Variants in PCDH15 observed in about 807,000 individuals in gnomAD.
The protein encoded by PCDH15 is protocadherin-15.
A neutral mutation model predicts 178.5 loss-of-function variants in PCDH15; 129 were observed. The observed-to-expected ratio is 0.72, with a 90% CI of 0.63 to 0.84. The LOEUF (loss-of-function observed/expected upper bound fraction) is 0.84. Among genes scored for constraint, PCDH15 ranks in the 40% least tolerant of loss-of-function variants. The pLI, the probability that PCDH15 is intolerant of heterozygous loss-of-function variation, is 0.00. For synonymous variants in PCDH15, 800 were observed against 732.0 expected (o/e 1.09, Z -1.50); for missense variants, 2,230 against 2,099.9 (o/e 1.06, Z -1.21).
At chr10:54,304,776 A>T (rs1017846416) in intron 8 of PCDH15, among the ~76,000 whole-genome samples, 10 of 152,076 alleles carry the variant, frequency 6.6e-5, no homozygotes, top group Non-Finnish European at 1.5e-4. Flanking sequence ...TATGTATAAG[A>T]TTTCTTCTAA....
At chr10:55,187,595 A>C (rs1839832235) in intron 1 of PCDH15, among the ~76,000 whole-genome samples, 1 of 152,006 alleles carries the variant, frequency 6.6e-6, no homozygotes, top group Non-Finnish European at 1.5e-5. Context: ...CGGGTCACAT[A>C]AGGGTTTTGA....
chr10:54,595,594 G>C (rs1339447601), intron 2 of PCDH15, among the ~76,000 whole-genome samples: 1 of 152,110 alleles, frequency 6.6e-6, no homozygotes, highest in East Asian at 1.9e-4. Flanking sequence ...TTCCTAATGA[G>C]GCAGAGGTAG....
chr10:55,258,372 A>C (rs184457596), intron 1 of PCDH15, among the ~76,000 whole-genome samples: 16 of 152,280 alleles, frequency 1.1e-4, no homozygotes, highest in African/African-American at 3.6e-4. Context: ...AAGGAGGTGC[A>C]AGACACCAGA....
intron 2 of PCDH15, among the ~76,000 whole-genome samples, chr10:54,535,309 T>TA (rs201611348): frequency 1.1e-4 from 16 of 151,930 alleles, no homozygotes; most frequent in South Asian, 2.1e-4. Context: ...TCTGTACTTT[T>TA]AAAAAAAACA....
intron 26 of PCDH15, among the ~76,000 whole-genome samples, chr10:53,884,411 A>T (rs1189800218): frequency 6.6e-6 from 1 of 152,156 alleles, no homozygotes; most frequent in African/African-American, 2.4e-5. Flanking sequence ...TAAACCATGG[A>T]AGATTAAATT....
intron 2 of PCDH15, among the ~76,000 whole-genome samples, chr10:54,997,455 A>T (rs1391862971): frequency 1.3e-5 from 2 of 152,238 alleles, no homozygotes; most frequent in Non-Finnish European, 2.9e-5. Context: ...AAATTAAAAT[A>T]AAAGTTTCTT....
chr10:55,191,205 GA>G (rs999378254), intron 1 of PCDH15, among the ~76,000 whole-genome samples: 3 of 149,086 alleles, frequency 2.0e-5, no homozygotes, highest in Admixed American at 6.7e-5. Context: ...TATAGCTTAA[GA>G]TTTTTTTTTA....
intron 21 of PCDH15, among the ~76,000 whole-genome samples, chr10:53,988,112 G>A (rs146236299): frequency 8.5e-5 from 13 of 152,158 alleles, no homozygotes; most frequent in African/African-American, 2.4e-4. Flanking sequence ...TCATCCCCGC[G>A]TCAGATCAAA....
At chr10:55,266,345 C>T (rs1171097008) in intron 1 of PCDH15, among the ~76,000 whole-genome samples, 2 of 152,102 alleles carry the variant, frequency 1.3e-5, no homozygotes, top group African/African-American at 4.8e-5. Flanking sequence ...AAAACAACAC[C>T]CCCTGTCACC....
intron 25 of PCDH15, 56 bp from the exon 26 acceptor site, chr10:53,903,426 T>A: frequency 6.3e-7 from 1 of 1,596,400 alleles, no homozygotes; most frequent in Non-Finnish European, 8.6e-7. Context: ...GGGGAAAAAA[T>A]GCACTGAAGT....
chr10:54,460,232 T>G (rs1272390995), intron 3 of PCDH15, among the ~76,000 whole-genome samples: 1 of 152,098 alleles, frequency 6.6e-6, no homozygotes, highest in East Asian at 1.9e-4. Flanking sequence ...TGATAAAGTT[T>G]TACTGAATAC....
At chr10:55,593,834 C>T (rs1377838600) in intron 2 of PCDH15, among the ~76,000 whole-genome samples, 2 of 151,660 alleles carry the variant, frequency 1.3e-5, no homozygotes, top group Non-Finnish European at 1.5e-5. Context: ...ATTAGATCCA[C>T]CTCATATAAT....
intron 2 of PCDH15, among the ~76,000 whole-genome samples, chr10:55,617,203 T>C (rs180743758): frequency 1.4e-4 from 22 of 152,212 alleles, no homozygotes; most frequent in African/African-American, 4.6e-4. Flanking sequence ...ATAGTTTTCC[T>C]ATTCCTGTAT....
At chr10:55,278,471 C>T (rs2798346) in intron 1 of PCDH15, among the ~76,000 whole-genome samples, 128,863 of 152,070 alleles carry the variant, frequency 0.85, 54,801 homozygotes, top group East Asian at 1. Flanking sequence ...GTGATCCTCC[C>T]GTCTCGGCCT....
intron 2 of PCDH15, among the ~76,000 whole-genome samples, chr10:55,119,582 G>A (rs1446689938): frequency 6.6e-6 from 1 of 151,694 alleles, no homozygotes. Flanking sequence ...GCTGACTCTT[G>A]CTGTTTTCCA....
intron 13 of PCDH15, among the ~76,000 whole-genome samples, chr10:54,177,586 C>CAA (rs35753317): frequency 6.6e-6 from 1 of 151,328 alleles, no homozygotes; most frequent in Non-Finnish European, 1.5e-5. Flanking sequence ...TAAAACTGCT[C>CAA]AAAAAAAATC....
intron 1 of PCDH15, among the ~76,000 whole-genome samples, chr10:54,706,994 G>C (rs899739592): frequency 6.6e-6 from 1 of 152,170 alleles, no homozygotes; most frequent in African/African-American, 2.4e-5. Context: ...CAATCTTCAT[G>C]ATGTTATACA....
chr10:54,991,933 A>G (rs1269097861), intron 2 of PCDH15, among the ~76,000 whole-genome samples: 1 of 152,088 alleles, frequency 6.6e-6, no homozygotes, highest in Non-Finnish European at 1.5e-5. Flanking sequence ...ACTCAAAACT[A>G]TTATTTGAGT....
intron 20 of PCDH15, among the ~76,000 whole-genome samples, chr10:54,012,024 C>G (rs552736089): frequency 1.3e-5 from 2 of 152,002 alleles, no homozygotes; most frequent in African/African-American, 2.4e-5. Flanking sequence ...AAAATCCAAA[C>G]CAAGGAAACT....
Sources: allele counts gnomAD v4.1 joint callset (sites outside exome capture counted in the v4.1 genomes callset), GRCh38; gene constraint gnomAD v4.1.1; transcripts MANE v1.5; gene names NCBI Gene and HGNC (gene_info 2026-07-23, HGNC 2026-07-21).